PLXNA4: variants seen among roughly 807,000 people sequenced by gnomAD.
PLXNA4 encodes plexin-A4.
A neutral mutation model predicts 191.8 loss-of-function variants in PLXNA4; 44 were observed. The ratio of observed to expected loss-of-function variants is 0.23; its 90% CI spans 0.18 to 0.29. The LOEUF (loss-of-function observed/expected upper bound fraction) is 0.29, where lower values mean the gene tolerates loss of function less well. PLXNA4 is among the 10% of genes least tolerant of loss of function. The pLI is 1.00. For synonymous variants in PLXNA4, 1,082 were observed against 1,009.5 expected, an observed-to-expected ratio of 1.07 and a Z score of -1.36; for missense variants, 1,800 against 2,488.8, an observed-to-expected ratio of 0.72 and a Z score of 5.89.
intron 1 of PLXNA4, among the ~76,000 whole-genome samples, chr7:132,556,946 C>T (rs1425542923): frequency 6.6e-6 from 1 of 151,948 alleles, no homozygotes; most frequent in African/African-American, 2.4e-5. Context: ...AACTGGAACC[C>T]CAAAAAGAAA....
At chr7:132,470,999 T>C (rs1308926127) in intron 3 of PLXNA4, among the ~76,000 whole-genome samples, 4 of 152,154 alleles carry the variant, frequency 2.6e-5, no homozygotes, top group Non-Finnish European at 5.9e-5. Flanking sequence ...ATCCTCAGTA[T>C]TGGAGGTGGG....
intron 3 of PLXNA4, among the ~76,000 whole-genome samples, chr7:132,339,516 C>A (rs906333977): frequency 6.6e-6 from 1 of 152,182 alleles, no homozygotes; most frequent in Admixed American, 6.5e-5. Flanking sequence ...TCCATTTCTC[C>A]TTGCCAAGAT....
chr7:132,354,745 C>A (rs182289606), intron 3 of PLXNA4, among the ~76,000 whole-genome samples: 1 of 152,128 alleles, frequency 6.6e-6, no homozygotes, highest in Non-Finnish European at 1.5e-5. Flanking sequence ...GCAACCAGCA[C>A]GTACAGATGT....
At chr7:132,455,394 AAGG>A (rs749809401) in intron 3 of PLXNA4, among the ~76,000 whole-genome samples, 5 of 151,992 alleles carry the variant, frequency 3.3e-5, no homozygotes, top group African/African-American at 4.8e-5. Context: ...AGAACATGAG[AAGG>A]AGGAGAGGGC....
chr7:132,609,155 G>A (rs570715461), intron 2 of PLXNA4, among the ~76,000 whole-genome samples: 3 of 152,188 alleles, frequency 2.0e-5, no homozygotes, highest in East Asian at 1.9e-4. Context: ...CATTTTACAC[G>A]TTTTGTCATA....
intron 1 of PLXNA4, among the ~76,000 whole-genome samples, chr7:132,525,252 T>TTTTTG (rs1376442333): frequency 6.6e-5 from 10 of 152,200 alleles, no homozygotes; most frequent in Admixed American, 6.5e-4. Flanking sequence ...ACATGGTGTC[T>TTTTTG]TTTTGTTTTG....
chr7:132,633,681 C>A (rs1803538021), intron 2 of PLXNA4, among the ~76,000 whole-genome samples: 1 of 152,252 alleles, frequency 6.6e-6, no homozygotes, highest in East Asian at 1.9e-4. Context: ...CTGGTCCTGA[C>A]CATTTTATCT....
chr7:132,308,429 C>T (rs1395468444), intron 3 of PLXNA4, among the ~76,000 whole-genome samples: 1 of 152,168 alleles, frequency 6.6e-6, no homozygotes, highest in Non-Finnish European at 1.5e-5. Context: ...AACAAGTTCC[C>T]ATGAATAGGT....
chr7:132,368,664 C>T lies in PLXNA4; in HGVS notation c.1372-70442G>A, dbSNP rs550728972. The stretch of plus-strand genomic sequence containing the variant: ...GTCCTGCTGGGCTCAAAGACACCTG[C>T]TCTGGGCACCATGCCCGTCCCCATC... On this transcript the variant is annotated intron_variant, in intron 3 of 31. Coordinates refer to ENST00000321063, the MANE Select transcript of PLXNA4 (RefSeq NM_020911.2). 2.0e-5 allele frequency among the ~76,000 whole-genome samples: 3 copies of T among 152,336 alleles called. No homozygotes were observed. In the East Asian group the frequency reaches 5.8e-4, roughly 29 times the overall value.
rs151191927 is a variant in PLXNA4 at position 132,622,738 on chromosome 7, T to A, written c.-87+23190A>T. Among the ~76,000 whole-genome samples the A allele has an allele frequency of 7.0e-3, 1,070 of 152,108 alleles. 7 individuals are homozygous for A. The highest frequency in any genetic ancestry group is 0.027 in the Middle Eastern group (8 of 294). ...CATCAGAGTCAATTACTGCAGAGAG[T>A]CTAGATGCTGCAGAATTGTTTCATC... On this transcript the variant is annotated intron_variant, in intron 2 of 4. Coordinates refer to the PLXNA4 transcript ENST00000378539.
intron 2 of PLXNA4, among the ~76,000 whole-genome samples, chr7:132,642,233 C>T (rs575197735): frequency 3.6e-4 from 55 of 152,078 alleles, no homozygotes; most frequent in Non-Finnish European, 5.9e-4. Context: ...TAAAATGATG[C>T]TGGATATGTC....
chr7:132,203,406 C>G lies in PLXNA4; in HGVS notation c.2312G>C (p.Gly771Ala). The change falls in exon 11 of 32, where the codon GGG becomes GCG. Residue 771 changes from glycine (G) to alanine (A), a missense_variant. Gly to Ala is a moderately conservative substitution (Grantham distance 60). Coordinates refer to ENST00000321063, the MANE Select transcript of PLXNA4 (RefSeq NM_020911.2). ...QCQNTSYSYE[G>A]MEINNLPVEL... ...CACGGGCAGGTTGTTGATCTCCATC[C>G]CTTCATAGGAATACTGCAGCCAGGT... 1 of 1,614,162 alleles carries G rather than the reference C, an allele frequency of 6.2e-7. No individual in the cohort carries two copies. The highest frequency in any genetic ancestry group is 8.5e-7 in the Non-Finnish European group (1 of 1,180,014).
intron 3 of PLXNA4, among the ~76,000 whole-genome samples, chr7:132,443,596 G>A (rs575989665): frequency 7.2e-5 from 11 of 152,268 alleles, no homozygotes; most frequent in Middle Eastern, 3.4e-3. Context: ...ACGATGAGCC[G>A]ACACTGCGCG....
At chr7:132,620,002 C>T (rs1056146338) in intron 2 of PLXNA4, among the ~76,000 whole-genome samples, 2 of 152,214 alleles carry the variant, frequency 1.3e-5, no homozygotes, top group African/African-American at 2.4e-5. Context: ...TGGGGTTTCA[C>T]TGTGTTAGCC....
intron 3 of PLXNA4, among the ~76,000 whole-genome samples, chr7:132,488,863 G>A (rs368997858): frequency 2.6e-5 from 4 of 152,190 alleles, no homozygotes; most frequent in Non-Finnish European, 5.9e-5. Flanking sequence ...TCCTCCATCT[G>A]TTCCCTGAAT....
chr7:132,284,483 T>C (rs1800608655), intron 4 of PLXNA4, among the ~76,000 whole-genome samples: 1 of 152,140 alleles, frequency 6.6e-6, no homozygotes, highest in African/African-American at 2.4e-5. Flanking sequence ...GGAATAGAAC[T>C]TTCTCCAGAG....
At chr7:132,530,385 T>C (rs1459152703) in intron 1 of PLXNA4, among the ~76,000 whole-genome samples, 1 of 152,232 alleles carries the variant, frequency 6.6e-6, no homozygotes, top group Admixed American at 6.5e-5. Flanking sequence ...ATCCAGAATA[T>C]ATAAAGAATT....
At chr7:132,411,182 G>T (rs1794445248) in intron 3 of PLXNA4, among the ~76,000 whole-genome samples, 1 of 152,308 alleles carries the variant, frequency 6.6e-6, no homozygotes, top group African/African-American at 2.4e-5. Flanking sequence ...GTTGCTCCAT[G>T]TGTCCAAACA....
intron 3 of PLXNA4, among the ~76,000 whole-genome samples, chr7:132,431,867 T>C (rs1456717952): frequency 6.6e-6 from 1 of 152,170 alleles, no homozygotes; most frequent in African/African-American, 2.4e-5. Context: ...CAGAGGAATC[T>C]GGAATTTGGA....
Sources: allele counts gnomAD v4.1 joint callset (sites outside exome capture counted in the v4.1 genomes callset), GRCh38; gene constraint gnomAD v4.1.1; transcripts MANE v1.5; gene names NCBI Gene and HGNC (gene_info 2026-07-23, HGNC 2026-07-21).